The following OSMR variants were observed in gnomAD, a reference collection of about 807,000 sequenced individuals.
The protein encoded by OSMR is oncostatin-M-specific receptor subunit beta.
OSMR carries 81 observed loss-of-function variants against 99.9 expected under a neutral mutation model. The observed-to-expected ratio is 0.81, with a 90% CI of 0.68 to 0.97. OSMR has a LOEUF of 0.97. OSMR is among the 50% of genes least tolerant of loss of function. The probability of loss-of-function intolerance (pLI) is 0.00; values close to 1 mark genes in which losing one functional copy is unlikely to be tolerated. For synonymous variants in OSMR, 406 were observed against 410.4 expected, an observed-to-expected ratio of 0.99 and a Z score of 0.13; for missense variants, 1,099 against 1,153.4, an observed-to-expected ratio of 0.95 and a Z score of 0.68.
chr5:38,880,509 G>A (rs564749079), intron 3 of OSMR, among the ~76,000 whole-genome samples: 85 of 152,244 alleles, frequency 5.6e-4, no homozygotes, highest in Non-Finnish European at 9.4e-4. Context: ...CCAACAGCTA[G>A]CCGCAGTATA....
chr5:38,933,278 T>C lies in OSMR; in HGVS notation c.2774T>C (p.Met925Thr), dbSNP rs959606833. 2 of 1,614,100 alleles carry C rather than the reference T, an allele frequency of 1.2e-6. No individual in the cohort carries two copies. The highest frequency in any genetic ancestry group is 1.3e-5 in the African/African-American group (1 of 74,940). Residue 925 changes from methionine (M) to threonine (T), a missense_variant, in exon 18 of 18, where the codon ATG becomes ACG. Met to Thr is a moderately conservative substitution (Grantham distance 81, BLOSUM62 -1). Coordinates refer to ENST00000274276, the MANE Select transcript of OSMR (RefSeq NM_003999.3). ...TATGTGTCCCAGTTGGCTTCACCCA[T>C]GTTTGGAGACAAGGACAGTCTCCCA... ...LNYVSQLASP[M>T]FGDKDSLPTN...
Position 38,934,847 on chromosome 5 carries a change from T to G in OSMR, c.*1403T>G, listed in dbSNP as rs1045832874. 1 of 152,046 alleles carries G rather than the reference T, an allele frequency of 6.6e-6. No homozygotes were observed. The highest frequency in any genetic ancestry group is 2.4e-5 in the African/African-American group (1 of 41,372). 9.4% of individuals were successfully genotyped at this position (152,046 alleles called of 1,614,324 possible). ...GTCACATTTATTTTACTTTTATTTA[T>G]TTTTTGAGATGAAATTTCGCTCTTG... On this transcript the variant is annotated 3_prime_UTR_variant, in exon 18 of 18. Transcript: ENST00000274276.
chr5:38,852,718 ATTTTTTTTTTTT>A (rs61559728), intron 1 of OSMR, among the ~76,000 whole-genome samples: 38 of 70,664 alleles, frequency 5.4e-4, no homozygotes, highest in Admixed American at 1.9e-3. Flanking sequence ...TATTGTTTTC[ATTTTTTTTTTTT>A]TTTTTTTTTT....
intron 7 of OSMR, among the ~76,000 whole-genome samples, chr5:38,896,996 G>T (rs1196930255): frequency 6.6e-6 from 1 of 152,020 alleles, no homozygotes; most frequent in African/African-American, 2.4e-5. Flanking sequence ...CCCTGGGATA[G>T]ATCCCACTTG....
intron 11 of OSMR, among the ~76,000 whole-genome samples, chr5:38,920,496 G>A (rs1431234619): frequency 6.6e-6 from 1 of 152,302 alleles, no homozygotes; most frequent in Non-Finnish European, 1.5e-5. Context: ...AATATGTGAG[G>A]GGCATTTGTC....
intron 1 of OSMR, among the ~76,000 whole-genome samples, chr5:38,862,527 G>T (rs1351276580): frequency 3.0e-4 from 45 of 149,896 alleles, no homozygotes; most frequent in African/African-American, 1.1e-3. Flanking sequence ...CTCAGACGGG[G>T]CAGTTGCCGG....
At chr5:38,919,116 C>T (rs116085283) in intron 11 of OSMR, 54 bp downstream of exon 11, 72 of 1,595,944 alleles carry the variant, frequency 4.5e-5, no homozygotes, top group Admixed American at 2.8e-4. Context: ...ATGTTGATGA[C>T]GTTATTAAGT....
intron 7 of OSMR, among the ~76,000 whole-genome samples, chr5:38,893,656 T>C (rs1157450794): frequency 6.6e-6 from 1 of 152,154 alleles, no homozygotes; most frequent in Non-Finnish European, 1.5e-5. Context: ...GAACAAAGTC[T>C]TTAAGAAATA....
chr5:38,850,237 T>C (rs1467187003), intron 1 of OSMR, among the ~76,000 whole-genome samples: 1 of 152,220 alleles, frequency 6.6e-6, no homozygotes, highest in Non-Finnish European at 1.5e-5. Flanking sequence ...TGGTCCTTTG[T>C]CCACATTTGG....
At chr5:38,872,438 C>T (rs931990884) in intron 2 of OSMR, among the ~76,000 whole-genome samples, 1 of 152,154 alleles carries the variant, frequency 6.6e-6, no homozygotes, top group Non-Finnish European at 1.5e-5. Context: ...TGAGTCTCAA[C>T]CTTGTTTCAC....
intron 15 of OSMR, among the ~76,000 whole-genome samples, chr5:38,926,890 G>GC (rs1746497635): frequency 6.6e-6 from 1 of 152,174 alleles, no homozygotes; most frequent in South Asian, 2.1e-4. Context: ...AAAATTTAAA[G>GC]CAAGTTAGTT....
At chr5:38,923,348 T>C (rs905096515) in intron 13 of OSMR, 94 bp downstream of exon 13, 5 of 788,942 alleles carry the variant, frequency 6.3e-6, no homozygotes, top group Non-Finnish European at 1.1e-5. Context: ...GTCAGCACCA[T>C]ACCCAACTTT....
exon 3 of OSMR, chr5:38,945,109 G>A (rs75476190): frequency 8.6e-6 from 12 of 1,391,488 alleles, no homozygotes; most frequent in Admixed American, 1.9e-5. Context: ...GCACCATAAC[G>A]GCTTAATTCC....
chr5:38,931,416 T>C (rs1285868201), intron 15 of OSMR, among the ~76,000 whole-genome samples: 3 of 152,206 alleles, frequency 2.0e-5, no homozygotes, highest in African/African-American at 7.2e-5. Context: ...AGCAGCTACC[T>C]GGGGCACACA....
chr5:38,874,003 AT>A (rs200967263), intron 2 of OSMR, among the ~76,000 whole-genome samples: 8 of 151,270 alleles, frequency 5.3e-5, no homozygotes, highest in Admixed American at 5.3e-4. Flanking sequence ...TACTTGTTGT[AT>A]TTTTTTTGGT....
At chr5:38,935,829 C>T (rs1273989642), downstream of OSMR, among the ~76,000 whole-genome samples, 1 of 151,984 alleles carries the variant, frequency 6.6e-6, no homozygotes, top group East Asian at 1.9e-4. Flanking sequence ...CATTCATCTA[C>T]ACACTAAACT....
At chr5:38,932,014 T>A (rs766014873) in intron 16 of OSMR, 50 bp downstream of exon 16, 1 of 1,328,674 alleles carries the variant, frequency 7.5e-7, no homozygotes, top group Non-Finnish European at 1.1e-6. Context: ...GAGAAAAGTC[T>A]GGAAAGAGAT....
intron 16 of OSMR, among the ~76,000 whole-genome samples, chr5:38,932,250 T>C (rs1746786515): frequency 6.6e-6 from 1 of 152,232 alleles, no homozygotes; most frequent in Non-Finnish European, 1.5e-5. Context: ...CTAAGTGCTT[T>C]ATCAATTAAT....
At chr5:38,897,742 T>A (rs904599515) in intron 7 of OSMR, among the ~76,000 whole-genome samples, 4 of 152,136 alleles carry the variant, frequency 2.6e-5, no homozygotes, top group Non-Finnish European at 5.9e-5. Flanking sequence ...TCTGTTTTGA[T>A]GTGGGCACTT....
Sources: allele counts gnomAD v4.1 joint callset (sites outside exome capture counted in the v4.1 genomes callset), GRCh38; gene constraint gnomAD v4.1.1; transcripts MANE v1.5; gene names NCBI Gene and HGNC (gene_info 2026-07-23, HGNC 2026-07-21).